Variants in ITPR1 observed in about 807,000 individuals in gnomAD.
ITPR1 encodes the protein inositol 1,4,5-trisphosphate-gated calcium channel ITPR1.
A neutral mutation model predicts 318.4 loss-of-function variants in ITPR1; 96 were observed. That is an observed-to-expected ratio of 0.30 (90% CI 0.26 to 0.36). The LOEUF (loss-of-function observed/expected upper bound fraction) is 0.36. ITPR1 is among the 10% of genes least tolerant of loss of function. ITPR1 has a pLI of 1.00. For missense variants in ITPR1, 2,440 were observed against 3,460.2 expected (o/e 0.71, Z 7.40); for synonymous variants, 1,312 against 1,289.9 (o/e 1.02, Z -0.37).
chr3:4,521,522 C>A (rs924015349), intron 4 of ITPR1, among the ~76,000 whole-genome samples: 4 of 152,056 alleles, frequency 2.6e-5, no homozygotes, highest in African/African-American at 7.2e-5. Flanking sequence ...TGGAATGAAA[C>A]GTTCTTAATT....
At chr3:4,750,674 C>G (rs1260565536) in intron 44 of ITPR1, 1 of 151,936 alleles carries the variant, frequency 6.6e-6, no homozygotes, top group African/African-American at 2.4e-5. Context: ...TTTTAATTCC[C>G]CTGTCTCTCA....
intron 35 of ITPR1, among the ~76,000 whole-genome samples, chr3:4,700,357 T>C (rs2094627655): frequency 6.6e-6 from 1 of 152,234 alleles, no homozygotes; most frequent in South Asian, 2.1e-4. Flanking sequence ...TGCATGGTCA[T>C]CTCATATACT....
At chr3:4,737,751 T>A (rs1392463382) in intron 44 of ITPR1, among the ~76,000 whole-genome samples, 1 of 152,200 alleles carries the variant, frequency 6.6e-6, no homozygotes, top group East Asian at 1.9e-4. Flanking sequence ...AACCTGAACT[T>A]AAATCTCTGA....
intron 61 of ITPR1, 137 bp from the exon 62 acceptor site, chr3:4,846,002 A>G (rs907580239): frequency 2.0e-6 from 1 of 509,242 alleles, no homozygotes; most frequent in African/African-American, 2.0e-5. Flanking sequence ...TGTGTGTTTG[A>G]TATAGCGATG....
chr3:4,701,353 G>C (rs1413841308), intron 35 of ITPR1, among the ~76,000 whole-genome samples: 3 of 152,194 alleles, frequency 2.0e-5, no homozygotes, highest in Non-Finnish European at 2.9e-5. Flanking sequence ...CACAGAGCCT[G>C]GCATGTAGGA....
At position 4,649,803 on chromosome 3, in the gene ITPR1, A is replaced by G. The variant is rs537995587; in HGVS notation, c.856-2320A>G. ...CTGGTGAGGGCACTCTTCCTGGTTCATCTGCTGTGTCCTCACATGGCAGAA... is the reference window on the plus strand; with the variant it reads ...CTGGTGAGGGCACTCTTCCTGGTTCGTCTGCTGTGTCCTCACATGGCAGAA... On this transcript the variant is annotated intron_variant, in intron 10 of 61. Coordinates refer to ENST00000649015, the MANE Select transcript of ITPR1 (RefSeq NM_001378452.1). Among the ~76,000 whole-genome samples, 4 of 152,342 alleles carry G rather than the reference A, an allele frequency of 2.6e-5. No individual in the cohort carries two copies. In the South Asian group the frequency reaches 8.3e-4, roughly 32 times the overall value.
chr3:4,652,266 A>C, intron 11 of ITPR1, 48 bp downstream of exon 11: 5 of 1,317,740 alleles, frequency 3.8e-6, no homozygotes, highest in Non-Finnish European at 5.4e-6. Flanking sequence ...GACGCACCTC[A>C]CCGCCTTTCC....
At position 4,694,623 on chromosome 3, in the gene ITPR1, C is replaced by T. The variant is rs553425897; in HGVS notation, c.4281+882C>T. Reference sequence around the variant, plus strand: ...GGCTATATGGTACAGCCTCTTGCTTCCAGGCTACAAACATGCACAACATGT... The same window carrying T: ...GGCTATATGGTACAGCCTCTTGCTTTCAGGCTACAAACATGCACAACATGT... On this transcript the variant is annotated intron_variant, in intron 33 of 61. Coordinates refer to ENST00000649015, the MANE Select transcript of ITPR1 (RefSeq NM_001378452.1). Among the ~76,000 whole-genome samples the T allele has an allele frequency of 3.9e-5, 6 of 152,246 alleles. No individual in the cohort carries two copies. The South Asian group carries it at 1.2e-3, about 32-fold the overall frequency.
At chr3:4,812,548 C>A (rs751118020) in intron 56 of ITPR1, among the ~76,000 whole-genome samples, 6 of 152,124 alleles carry the variant, frequency 3.9e-5, no homozygotes, top group Non-Finnish European at 7.3e-5. Flanking sequence ...GAATGGTACC[C>A]AAGTGCCCTC....
intron 53 of ITPR1, among the ~76,000 whole-genome samples, chr3:4,796,570 T>C (rs907368256): frequency 3.9e-5 from 6 of 152,200 alleles, no homozygotes; most frequent in African/African-American, 1.4e-4. Context: ...TCATTTACTC[T>C]CCATTGCCTT....
intron 42 of ITPR1, among the ~76,000 whole-genome samples, chr3:4,728,636 G>A (rs2125311177): frequency 6.6e-6 from 1 of 152,258 alleles, no homozygotes; most frequent in South Asian, 2.1e-4. Flanking sequence ...GTACAATTAT[G>A]TTATTGTTGA....
intron 2 of ITPR1, among the ~76,000 whole-genome samples, chr3:4,498,819 CCG>C (rs2080801494): frequency 6.6e-6 from 1 of 152,176 alleles, no homozygotes. Context: ...CTATGTCTTA[CCG>C]CCACCCTGCG....
At chr3:4,550,214 G>A (rs1019368555) in intron 4 of ITPR1, among the ~76,000 whole-genome samples, 1 of 152,132 alleles carries the variant, frequency 6.6e-6, no homozygotes, top group Non-Finnish European at 1.5e-5. Context: ...ATCTCTCTGA[G>A]CAGGGCCATG....
rs758987361 is a variant in ITPR1 at position 4,674,359 on chromosome 3, ATCT to A, written c.2598+20_2598+22del. On this transcript the variant is annotated intron_variant, in intron 22 of 61. Coordinates refer to ENST00000649015, the MANE Select transcript of ITPR1 (RefSeq NM_001378452.1). Reference sequence around the variant, plus strand: ...TACGTTTGAGGTAACTCATGATGAAATCTTCTATGTGTATTATCTGCCTCTCAG... The same window carrying A: ...TACGTTTGAGGTAACTCATGATGAAATCTATGTGTATTATCTGCCTCTCAG... 9 of 1,597,956 alleles carry A rather than the reference ATCT, an allele frequency of 5.6e-6. No individual in the cohort carries two copies. In the Admixed American group the frequency reaches 1.6e-4, roughly 28 times the overall value.
intron 52 of ITPR1, 55 bp downstream of exon 52, chr3:4,788,194 A>G (rs546546796): frequency 2.0e-4 from 288 of 1,427,830 alleles, no homozygotes; most frequent in Non-Finnish European, 2.7e-4. Context: ...GGGATTTCAC[A>G]AACTTGGGCT....
chr3:4,609,089 T>TATACACAC lies in ITPR1; in HGVS notation c.164-18673_164-18672insTACACACA, dbSNP rs1171860541. Among the ~76,000 whole-genome samples the TATACACAC allele has an allele frequency of 3.2e-3, 295 of 91,842 alleles. 2 individuals carry two copies. The highest frequency in any genetic ancestry group is 0.011 in the African/African-American group (280 of 26,366). 60.3% of individuals were successfully genotyped at this position (91,842 alleles called of 152,430 possible). On this transcript the variant is annotated intron_variant, in intron 4 of 61. Transcript: ENST00000649015. ...ATATATATATATATATATATATATATACACACACACGTATGTCAGTGGTGG... is the reference window on the plus strand; with the variant it reads ...ATATATATATATATATATATATATATATACACACACACACACACGTATGTCAGTGGTGG...
chr3:4,846,076 C>A, intron 61 of ITPR1, 63 bp from the exon 62 acceptor site: 2 of 922,192 alleles, frequency 2.2e-6, no homozygotes, highest in Non-Finnish European at 3.3e-6. Flanking sequence ...ATCTATGGTT[C>A]AGTATGCGAT....
At chr3:4,739,406 G>T (rs989496972) in intron 44 of ITPR1, among the ~76,000 whole-genome samples, 11 of 152,262 alleles carry the variant, frequency 7.2e-5, no homozygotes, top group African/African-American at 2.4e-4. Context: ...GATGACAGGT[G>T]GTAGAAAGGG....
intron 16 of ITPR1, among the ~76,000 whole-genome samples, chr3:4,664,543 A>G (rs1027620206): frequency 2.0e-5 from 3 of 152,250 alleles, no homozygotes; most frequent in Non-Finnish European, 2.9e-5. Context: ...TTGTTTCAAC[A>G]AGAATTTCCA....
Sources: allele counts gnomAD v4.1 joint callset (sites outside exome capture counted in the v4.1 genomes callset), GRCh38; gene constraint gnomAD v4.1.1; transcripts MANE v1.5; gene names NCBI Gene and HGNC (gene_info 2026-07-23, HGNC 2026-07-21).